Variants in PTPRT observed in about 807,000 individuals in gnomAD.
The protein encoded by PTPRT is receptor-type tyrosine-protein phosphatase T.
A neutral mutation model predicts 176.8 loss-of-function variants in PTPRT; 56 were observed. The observed-to-expected ratio is 0.32, with a 90% confidence interval of 0.26 to 0.40. The LOEUF (loss-of-function observed/expected upper bound fraction) is 0.40. PTPRT is among the 10% of genes least tolerant of loss of function. The pLI, the probability that PTPRT is intolerant of heterozygous loss-of-function variation, is 1.00. For missense variants in PTPRT, 1,540 were observed against 1,908.2 expected, an observed-to-expected ratio of 0.81 and a Z score of 3.60; for synonymous variants, 783 against 739.0, an observed-to-expected ratio of 1.06 and a Z score of -0.96.
chr20:42,363,273 TATATATATA>T (rs1568812285), intron 9 of PTPRT, among the ~76,000 whole-genome samples: 1 of 15,866 alleles, frequency 6.3e-5, no homozygotes, highest in Non-Finnish European at 1.2e-4. Context: ...ATTACAATTA[TATATATATA>T]TATATATATA....
chr20:42,588,548 T>A (rs1239235267), intron 7 of PTPRT, among the ~76,000 whole-genome samples: 1 of 151,928 alleles, frequency 6.6e-6, no homozygotes, highest in Non-Finnish European at 1.5e-5. Context: ...GACAAAAAAA[T>A]TCAGAATAAG....
chr20:42,251,232 G>A (rs189476075), intron 13 of PTPRT, among the ~76,000 whole-genome samples: 2 of 152,246 alleles, frequency 1.3e-5, no homozygotes, highest in East Asian at 3.9e-4. Context: ...CTGCTACCAG[G>A]TCCTGTTCTA....
chr20:42,951,982 G>T (rs764540871), intron 1 of PTPRT, among the ~76,000 whole-genome samples: 2 of 152,216 alleles, frequency 1.3e-5, no homozygotes, highest in Non-Finnish European at 2.9e-5. Context: ...TCCATTTTAG[G>T]AAAAGGCACC....
chr20:42,881,748 A>G (rs552144734), intron 2 of PTPRT, among the ~76,000 whole-genome samples: 1,801 of 147,680 alleles, frequency 0.012, 17 homozygotes, highest in Middle Eastern at 0.035. Context: ...AAAAAAAAAA[A>G]AGAGAGAGAG....
chr20:42,585,152 T>G (rs2073449865), intron 7 of PTPRT, among the ~76,000 whole-genome samples: 1 of 152,206 alleles, frequency 6.6e-6, no homozygotes, highest in Non-Finnish European at 1.5e-5. Context: ...TTGTTCCACG[T>G]GCTTATTGGC....
intron 1 of PTPRT, among the ~76,000 whole-genome samples, chr20:43,115,178 C>T (rs1285563556): frequency 1.3e-5 from 2 of 152,176 alleles, no homozygotes; most frequent in Non-Finnish European, 1.5e-5. Flanking sequence ...GACATGGCCT[C>T]CTCCTTCTTG....
intron 18 of PTPRT, among the ~76,000 whole-genome samples, chr20:42,139,509 C>G (rs1040190417): frequency 7.9e-5 from 12 of 152,186 alleles, no homozygotes; most frequent in Non-Finnish European, 1.6e-4. Flanking sequence ...GTATTCTCAT[C>G]CCTGTGGGAA....
At chr20:42,310,974 C>T (rs2057619228) in intron 12 of PTPRT, among the ~76,000 whole-genome samples, 1 of 152,192 alleles carries the variant, frequency 6.6e-6, no homozygotes, top group South Asian at 2.1e-4. Context: ...ATGGTGTTCA[C>T]ATGGCTGGAT....
rs987670869 is a variant in PTPRT at position 42,104,478 on chromosome 20, T to C, written c.3540+91A>G. On this transcript the variant is annotated intron_variant, in intron 25 of 30. Transcript: ENST00000373187. Reference sequence around the variant, plus strand: ...AGCCTCCAGAAATGTAATGAATAAGTGTCTGTCATTTAAACCACCCAATCT... The same window carrying C: ...AGCCTCCAGAAATGTAATGAATAAGCGTCTGTCATTTAAACCACCCAATCT... 3.5e-5 allele frequency: 48 copies of C among 1,379,078 alleles called. 1 individual carries two copies. In the Admixed American group the frequency reaches 9.4e-4, roughly 27 times the overall value. The allele number at this position is 1,379,078 out of a possible 1,614,324, so 85.4% of individuals were successfully genotyped here.
At chr20:42,648,457 A>G (rs2223542) in intron 7 of PTPRT, among the ~76,000 whole-genome samples, 60,301 of 151,932 alleles carry the variant, frequency 0.4, 14,416 homozygotes, top group African/African-American at 0.67. Context: ...ACAGATAATC[A>G]GAAGGCAGCT....
At chr20:42,515,480 TAAAAACA>T (rs1405579452) in intron 7 of PTPRT, among the ~76,000 whole-genome samples, 1 of 152,120 alleles carries the variant, frequency 6.6e-6, no homozygotes, top group Non-Finnish European at 1.5e-5. Context: ...AAGACTCCAT[TAAAAACA>T]AAAAACAAAA....
intron 2 of PTPRT, among the ~76,000 whole-genome samples, chr20:42,813,976 C>T (rs982733236): frequency 6.6e-6 from 1 of 152,046 alleles, no homozygotes; most frequent in South Asian, 2.1e-4. Context: ...TTGTTTATAC[C>T]CCCATCCCGG....
intron 1 of PTPRT, among the ~76,000 whole-genome samples, chr20:43,136,865 T>C (rs947198): frequency 0.017 from 2,652 of 152,328 alleles, 73 homozygotes; most frequent in African/African-American, 0.06. Flanking sequence ...ATTTTTATTC[T>C]GCCCACAAAG....
intron 7 of PTPRT, among the ~76,000 whole-genome samples, chr20:42,668,985 C>G (rs2075368618): frequency 6.7e-6 from 1 of 149,136 alleles, no homozygotes; most frequent in Non-Finnish European, 1.5e-5. Flanking sequence ...GCTGGGATTA[C>G]AGGCGTGAGT....
chr20:42,702,075 A>G (rs79886049), intron 6 of PTPRT, among the ~76,000 whole-genome samples: 4,006 of 152,060 alleles, frequency 0.026, 86 homozygotes, highest in Middle Eastern at 0.068. Flanking sequence ...CACTTGTCAC[A>G]CTTGCTTAAC....
At chr20:43,012,681 G>A (rs1259151549) in intron 1 of PTPRT, among the ~76,000 whole-genome samples, 1 of 152,176 alleles carries the variant, frequency 6.6e-6, no homozygotes, top group Non-Finnish European at 1.5e-5. Flanking sequence ...TGCTGCTGGT[G>A]TCTGCTCAGT....
intron 12 of PTPRT, among the ~76,000 whole-genome samples, chr20:42,306,727 T>A (rs1600811487): frequency 6.6e-6 from 1 of 152,180 alleles, no homozygotes; most frequent in East Asian, 1.9e-4. Flanking sequence ...TATAGAAGCA[T>A]TGGAAGACCG....
chr20:42,227,880 A>T (rs1036600632), intron 15 of PTPRT, among the ~76,000 whole-genome samples: 1 of 152,106 alleles, frequency 6.6e-6, no homozygotes, highest in Admixed American at 6.5e-5. Flanking sequence ...AAGTGCTGGG[A>T]TTACAGGCAT....
intron 11 of PTPRT, among the ~76,000 whole-genome samples, chr20:42,323,458 T>C (rs982497653): frequency 6.6e-6 from 1 of 152,068 alleles, no homozygotes; most frequent in Non-Finnish European, 1.5e-5. Context: ...ATGTCCTTTG[T>C]AGGGACATGG....
Sources: allele counts gnomAD v4.1 joint callset (sites outside exome capture counted in the v4.1 genomes callset), GRCh38; gene constraint gnomAD v4.1.1; transcripts MANE v1.5; gene names NCBI Gene and HGNC (gene_info 2026-07-23, HGNC 2026-07-21).